The following MDGA2 variants were observed in gnomAD, a reference collection of about 807,000 sequenced individuals.
MDGA2 encodes the protein MAM domain containing glycosylphosphatidylinositol anchor 2, also known as MAM domain-containing glycosylphosphatidylinositol anchor protein 2.
A neutral mutation model predicts 117.8 loss-of-function variants in MDGA2; 40 were observed. That is an observed-to-expected ratio of 0.34 (90% CI 0.26 to 0.44). The LOEUF is 0.44. Among genes scored for constraint, MDGA2 ranks in the 20% least tolerant of loss-of-function variants. The pLI, the probability that MDGA2 is intolerant of heterozygous loss-of-function variation, is 1.00. For synonymous variants in MDGA2, 452 were observed against 439.0 expected (o/e 1.03, Z -0.37); for missense variants, 1,123 against 1,250.6 (o/e 0.90, Z 1.54).
In MDGA2 at chr14:47,671,224, A is replaced by T. The variant is rs569104221; in HGVS notation, c.280+3293T>A. ...CTATTGTGCAGTTCGTTTGCTAAGCACTATTCCCAGATAAATGACAGTAAG... is the reference window on the plus strand; with the variant it reads ...CTATTGTGCAGTTCGTTTGCTAAGCTCTATTCCCAGATAAATGACAGTAAG... On this transcript the variant is annotated intron_variant, in intron 1 of 16. Coordinates refer to ENST00000399232, the MANE Select transcript of MDGA2 (RefSeq NM_001113498.3). Among the ~76,000 whole-genome samples, 4 of 152,308 alleles carry T rather than the reference A, an allele frequency of 2.6e-5. No individual in the cohort carries two copies. The South Asian group carries it at 8.3e-4, about 32-fold the overall frequency.
intron 9 of MDGA2, among the ~76,000 whole-genome samples, chr14:46,951,861 T>G (rs1885381509): frequency 6.6e-6 from 1 of 151,958 alleles, no homozygotes. Context: ...TATTTAAAGC[T>G]TTTGACTTTG....
intron 6 of MDGA2, among the ~76,000 whole-genome samples, chr14:47,089,686 C>T (rs1228245505): frequency 1.3e-5 from 2 of 151,848 alleles, no homozygotes; most frequent in Admixed American, 6.6e-5. Context: ...CACATATATA[C>T]CATGGAATAC....
intron 1 of MDGA2, among the ~76,000 whole-genome samples, chr14:47,565,781 A>G (rs983090011): frequency 6.6e-6 from 1 of 152,186 alleles, no homozygotes; most frequent in East Asian, 1.9e-4. Context: ...ATTCATACCC[A>G]TGGCCGTGCT....
At chr14:47,467,453 GT>G (rs1893627873) in intron 1 of MDGA2, among the ~76,000 whole-genome samples, 2 of 152,112 alleles carry the variant, frequency 1.3e-5, no homozygotes, top group Non-Finnish European at 2.9e-5. Flanking sequence ...GAAGGAGACT[GT>G]CACCTTTCAC....
At chr14:47,095,699 T>C (rs1460158500) in intron 6 of MDGA2, among the ~76,000 whole-genome samples, 2 of 152,012 alleles carry the variant, frequency 1.3e-5, no homozygotes, top group South Asian at 2.1e-4. Context: ...ACGCTATTCA[T>C]AGTGTTTTGA....
At chr14:47,036,613 A>G (rs2138655951) in intron 7 of MDGA2, among the ~76,000 whole-genome samples, 1 of 152,388 alleles carries the variant, frequency 6.6e-6, no homozygotes, top group Middle Eastern at 3.4e-3. Flanking sequence ...GAATAATTCT[A>G]TCCTTCCGAT....
chr14:47,480,420 T>A (rs1893928606), intron 1 of MDGA2, among the ~76,000 whole-genome samples: 1 of 151,982 alleles, frequency 6.6e-6, no homozygotes, highest in South Asian at 2.1e-4. Flanking sequence ...ACGATTTATC[T>A]ACAATAAAGC....
At chr14:47,220,932 AAT>A (rs1886274858) in intron 2 of MDGA2, among the ~76,000 whole-genome samples, 1 of 152,212 alleles carries the variant, frequency 6.6e-6, no homozygotes, top group African/African-American at 2.4e-5. Flanking sequence ...TCAGGGTTCA[AAT>A]AGCCCCCCAT....
At chr14:47,323,174 AT>A in intron 1 of MDGA2, among the ~76,000 whole-genome samples, 1 of 54,294 alleles carries the variant, frequency 1.8e-5, no homozygotes, top group Admixed American at 3.4e-4. Context: ...ATATATATAT[AT>A]ATATATATAT....
At chr14:47,237,775 C>A (rs1886912820) in intron 2 of MDGA2, among the ~76,000 whole-genome samples, 1 of 152,062 alleles carries the variant, frequency 6.6e-6, no homozygotes. Flanking sequence ...GATCTACTTT[C>A]TTCTACTACT....
At chr14:46,955,132 C>G (rs1885513040) in intron 9 of MDGA2, among the ~76,000 whole-genome samples, 1 of 151,996 alleles carries the variant, frequency 6.6e-6, no homozygotes, top group South Asian at 2.1e-4. Context: ...AACTGAAATG[C>G]ATGCTCCAGT....
intron 1 of MDGA2, among the ~76,000 whole-genome samples, 184 bp from the exon 2 acceptor site, chr14:47,301,734 A>G (rs752446212): frequency 7.2e-5 from 11 of 152,210 alleles, no homozygotes; most frequent in Non-Finnish European, 1.2e-4. Flanking sequence ...CTTCAAATTT[A>G]TCTAACAGTG....
intron 8 of MDGA2, among the ~76,000 whole-genome samples, chr14:46,985,204 A>G (rs1886817519): frequency 6.6e-6 from 1 of 152,092 alleles, no homozygotes; most frequent in Non-Finnish European, 1.5e-5. Flanking sequence ...GTCTTTATCA[A>G]TGAGTTCTTA....
At chr14:47,256,974 GA>G (rs1327656195) in intron 2 of MDGA2, among the ~76,000 whole-genome samples, 1 of 151,798 alleles carries the variant, frequency 6.6e-6, no homozygotes. Context: ...AAAGAGAAAA[GA>G]GGGGGGACAA....
intron 2 of MDGA2, among the ~76,000 whole-genome samples, chr14:47,218,748 C>CT (rs1886193101): frequency 6.6e-6 from 1 of 151,988 alleles, no homozygotes; most frequent in Non-Finnish European, 1.5e-5. Flanking sequence ...GATGGCTTTG[C>CT]TTAATAAGCC....
chr14:47,196,557 C>T (rs1044431299), intron 3 of MDGA2, among the ~76,000 whole-genome samples: 9 of 152,166 alleles, frequency 5.9e-5, no homozygotes, highest in East Asian at 1.9e-4. Context: ...AGTGGCATAA[C>T]CCTAAAAAGC....
At chr14:46,873,713 A>C (rs1222130559) in intron 13 of MDGA2, 122 bp from the exon 14 acceptor site, 2 of 892,354 alleles carry the variant, frequency 2.2e-6, no homozygotes, top group Non-Finnish European at 3.3e-6. Flanking sequence ...TTTGCATCTC[A>C]TTTATAAAAT....
chr14:46,992,403 T>C (rs1251996317), intron 8 of MDGA2, among the ~76,000 whole-genome samples: 1 of 152,108 alleles, frequency 6.6e-6, no homozygotes, highest in African/African-American at 2.4e-5. Context: ...ATTAGTTAAG[T>C]TTTGAACAAT....
chr14:47,595,547 CAAAAA>C (rs777715271), intron 1 of MDGA2, among the ~76,000 whole-genome samples: 2 of 69,052 alleles, frequency 2.9e-5, no homozygotes, highest in African/African-American at 7.5e-5. Flanking sequence ...AACCAAAAAA[CAAAAA>C]AAAACAAAAA....
Sources: allele counts gnomAD v4.1 joint callset (sites outside exome capture counted in the v4.1 genomes callset), GRCh38; gene constraint gnomAD v4.1.1; transcripts MANE v1.5; gene names NCBI Gene and HGNC (gene_info 2026-07-23, HGNC 2026-07-21).